JAK2: variants seen among roughly 807,000 people sequenced by gnomAD.
The protein encoded by JAK2 is tyrosine-protein kinase JAK2.
JAK2 carries 86 observed loss-of-function variants against 139.3 expected under a neutral mutation model. That is an observed-to-expected ratio of 0.62 (90% confidence interval 0.52 to 0.74). The LOEUF (loss-of-function observed/expected upper bound fraction) is 0.74, where lower values mean the gene tolerates loss of function less well. Among genes scored for constraint, JAK2 ranks in the 30% least tolerant of loss-of-function variants. JAK2 has a pLI of 0.00. For missense variants in JAK2, 1,421 were observed against 1,360.3 expected, an observed-to-expected ratio of 1.04 and a Z score of -0.70; for synonymous variants, 490 against 437.7, an observed-to-expected ratio of 1.12 and a Z score of -1.49.
At chr9:5,030,142 C>G (rs1823049155) in intron 4 of JAK2, among the ~76,000 whole-genome samples, 1 of 152,080 alleles carries the variant, frequency 6.6e-6, no homozygotes, top group Admixed American at 6.6e-5. Context: ...CCACTTAACT[C>G]CTTATGATTA....
intron 22 of JAK2, chr9:5,112,876 C>A (rs1277870373): frequency 7.0e-6 from 3 of 431,266 alleles, no homozygotes; most frequent in Non-Finnish European, 7.5e-6. Context: ...GGACGAGCCA[C>A]CCGCCCTCAG....
At chr9:5,118,139 C>T (rs893427588) in intron 22 of JAK2, among the ~76,000 whole-genome samples, 6 of 152,072 alleles carry the variant, frequency 3.9e-5, no homozygotes, top group Non-Finnish European at 4.4e-5. Flanking sequence ...CCAGCCTGGG[C>T]GACAGAGCGA....
At chr9:5,114,929 C>G (rs1427694723) in intron 22 of JAK2, 2 of 179,632 alleles carry the variant, frequency 1.1e-5, no homozygotes, top group African/African-American at 4.8e-5. Context: ...AGTGCCTGCT[C>G]AGAAAACAAA....
At chr9:5,083,668 A>G (rs1819872829) in intron 19 of JAK2, among the ~76,000 whole-genome samples, 1 of 152,164 alleles carries the variant, frequency 6.6e-6, no homozygotes, top group Non-Finnish European at 1.5e-5. Context: ...TGTCAAAACA[A>G]TGGAATATAT....
At position 5,080,521 on chromosome 9, in the gene JAK2, C is replaced by T. The variant is rs2130607110; in HGVS notation, c.2284-12C>T. 5.7e-6 allele frequency: 9 copies of T among 1,572,574 alleles called. No individual in the cohort carries two copies. Among genetic ancestry groups the T allele is most frequent in the Non-Finnish European group, 6.9e-6 (8 of 1,165,728 alleles). On this transcript the variant is annotated splice_polypyrimidine_tract_variant and intron_variant, in intron 17 of 24. Transcript: ENST00000381652. ...CACAATTTATTCTCAGTTTGTGGTT[C>T]TTTAATTATAGAAGCTACAATTTTA...
chr9:5,096,262 T>A (rs1242360466), intron 22 of JAK2, among the ~76,000 whole-genome samples: 1 of 152,198 alleles, frequency 6.6e-6, no homozygotes, highest in Non-Finnish European at 1.5e-5. Context: ...AGTTATAACT[T>A]AGAAATTTAG....
intron 8 of JAK2, among the ~76,000 whole-genome samples, chr9:5,057,635 C>CACAATGG (rs150916656): frequency 0.04 from 5,727 of 142,986 alleles, 390 homozygotes; most frequent in African/African-American, 0.14. Context: ...CAGGCTGGAG[C>CACAATGG]ACAATGGCGC....
Position 5,077,598 on chromosome 9 carries a change from T to C in JAK2, c.1992+18T>C. ...ATTTTCTAGTAAGTAGTACAACCTTTTTATCAAAAGATACTATTTTATTTT... is the reference window on the plus strand; with the variant it reads ...ATTTTCTAGTAAGTAGTACAACCTTCTTATCAAAAGATACTATTTTATTTT... On this transcript the variant is annotated intron_variant, in intron 15 of 24. Coordinates refer to ENST00000381652, the MANE Select transcript of JAK2 (RefSeq NM_004972.4). 5 of 1,442,398 alleles carry C rather than the reference T, an allele frequency of 3.5e-6. No homozygotes were observed. Among genetic ancestry groups the C allele is most frequent in the Admixed American group, 2.7e-5 (1 of 37,032 alleles). The allele number at this position is 1,442,398 out of a possible 1,614,324, so 89.3% of individuals were successfully genotyped here. A position where few individuals can be genotyped will look rare whatever the true frequency, so the allele number is the denominator to read the frequency against.
At chr9:5,004,577 G>C (rs1307584877) in intron 2 of JAK2, among the ~76,000 whole-genome samples, 1 of 152,112 alleles carries the variant, frequency 6.6e-6, no homozygotes, top group African/African-American at 2.4e-5. Flanking sequence ...TGGCTATTAA[G>C]AATAATGCTG....
At position 5,088,495 on chromosome 9, in the gene JAK2, C is replaced by T. The variant is rs142810689; in HGVS notation, c.2572-1179C>T. Among the ~76,000 whole-genome samples, 1,050 of 152,002 alleles carry T rather than the reference C, an allele frequency of 6.9e-3. 14 individuals are homozygous for T. Among genetic ancestry groups the T allele is most frequent in the African/African-American group, 0.024 (1,003 of 41,416 alleles). On this transcript the variant is annotated intron_variant, in intron 19 of 24. Coordinates refer to ENST00000381652, the MANE Select transcript of JAK2 (RefSeq NM_004972.4). ...TATAGCAACTTACCAATTCTATGTA[C>T]TTAATGAGTTTTAGGTAAAAAGAGT...
At chr9:5,115,265 C>T (rs934336460) in intron 22 of JAK2, among the ~76,000 whole-genome samples, 15 of 152,154 alleles carry the variant, frequency 9.9e-5, no homozygotes, top group African/African-American at 2.9e-4. Flanking sequence ...TGAACAGACA[C>T]TTCTCAAAAG....
At chr9:5,041,960 C>T (rs1186785148) in intron 4 of JAK2, 1 of 378,484 alleles carries the variant, frequency 2.6e-6, no homozygotes, top group East Asian at 6.9e-5. Context: ...CTTCTCCGTG[C>T]GGCCCCTTGG....
At chr9:5,104,007 A>G (rs1160015374) in intron 22 of JAK2, among the ~76,000 whole-genome samples, 1 of 152,216 alleles carries the variant, frequency 6.6e-6, no homozygotes, top group Non-Finnish European at 1.5e-5. Flanking sequence ...AATTAAAAGA[A>G]CTACAGAAGC....
At chr9:5,003,005 C>T (rs1285440418) in intron 2 of JAK2, among the ~76,000 whole-genome samples, 1 of 151,938 alleles carries the variant, frequency 6.6e-6, no homozygotes, top group African/African-American at 2.4e-5. Context: ...TATTTCTTCA[C>T]TGAAATGCAA....
intron 3 of JAK2, among the ~76,000 whole-genome samples, chr9:5,025,086 C>CT (rs1475212283): frequency 6.6e-6 from 1 of 152,090 alleles, no homozygotes; most frequent in Non-Finnish European, 1.5e-5. Context: ...TGCTGCATAT[C>CT]TTTGCCTATT....
At position 5,126,356 on chromosome 9, in the gene JAK2, T is replaced by C. The variant is rs759139459; in HGVS notation, c.3201T>C (p.Asn1067=). 6.2e-7 allele frequency: 1 copy of C among 1,608,554 alleles called. No homozygotes were observed. The highest frequency in any genetic ancestry group is 1.7e-5 in the Admixed American group (1 of 59,340). The change falls in exon 24 of 25, where the codon AAT becomes AAC. Residue 1067 remains asparagine, a synonymous_variant. Coordinates refer to ENST00000381652, the MANE Select transcript of JAK2 (RefSeq NM_004972.4). Reference sequence around the variant, plus strand: ...AGGAATTTATGCGTATGATTGGCAATGACAAACAAGGACAGATGATCGTGT... The same window carrying C: ...AGGAATTTATGCGTATGATTGGCAACGACAAACAAGGACAGATGATCGTGT... ...PPAEFMRMIG[N]DKQGQMIVFH... is the part of the protein sequence containing the mutation.
In JAK2 at chr9:5,040,463, A is replaced by G. The variant is rs143531082; in HGVS notation, c.351-3940A>G. ...AAAAATAGTTAAGTTAGGCTTTATC[A>G]AAGTTAAAAACATCTGTGTGTCAAA... is the stretch of plus-strand genomic sequence containing the variant. On this transcript the variant is annotated intron_variant, in intron 4 of 24. Coordinates refer to ENST00000381652, the MANE Select transcript of JAK2 (RefSeq NM_004972.4). Among the ~76,000 whole-genome samples, 6 of 152,354 alleles carry G rather than the reference A, an allele frequency of 3.9e-5. No individual in the cohort carries two copies. In the East Asian group the frequency reaches 1.2e-3, roughly 29 times the overall value.
At chr9:5,065,672 T>A (rs1818519926) in intron 9 of JAK2, among the ~76,000 whole-genome samples, 1 of 152,190 alleles carries the variant, frequency 6.6e-6, no homozygotes, top group Non-Finnish European at 1.5e-5. Context: ...CAGTTGTAGA[T>A]CCTTACTTTA....
At position 5,112,666 on chromosome 9, in the gene JAK2, C is replaced by A. The variant is rs908797448; in HGVS notation, c.3060-10338C>A. The stretch of plus-strand genomic sequence containing the variant: ...CCCAGACCAAACTCCTTATCCTGCA[C>A]CAGGCCGTCTCGGTCATCCTGAATT... On this transcript the variant is annotated intron_variant, in intron 22 of 24. Transcript: ENST00000381652. 3 of 956,760 alleles carry A rather than the reference C, an allele frequency of 3.1e-6. No homozygotes were observed. The African/African-American group carries it at 5.1e-5, about 16-fold the overall frequency. 59.3% of individuals were successfully genotyped at this position (956,760 alleles called of 1,614,324 possible).
Sources: gnomAD v4.1 joint callset for allele counts (sites outside exome capture counted in the v4.1 genomes callset) on GRCh38, gnomAD v4.1.1 for gene constraint, MANE v1.5 for transcripts, NCBI Gene and HGNC (gene_info 2026-07-23, HGNC 2026-07-21) for gene names.